ULK4: variants seen among roughly 807,000 people sequenced by gnomAD.
ULK4 encodes the protein inactive serine/threonine-protein kinase ULK4.
In ULK4, 133 loss-of-function variants were observed where a neutral mutation model predicts 160.6. That is an observed-to-expected ratio of 0.83 (90% confidence interval 0.72 to 0.96). The LOEUF (loss-of-function observed/expected upper bound fraction) is 0.96, where lower values mean the gene tolerates loss of function less well. Among genes scored for constraint, ULK4 ranks in the 40% least tolerant of loss-of-function variants. ULK4 has a pLI of 0.00. For missense variants in ULK4, 1,580 were observed against 1,499.5 expected (o/e 1.05, Z -0.89); for synonymous variants, 534 against 539.8 (o/e 0.99, Z 0.15).
At chr3:41,772,180 C>A (rs1456854948) in intron 21 of ULK4, among the ~76,000 whole-genome samples, 2 of 152,120 alleles carry the variant, frequency 1.3e-5, no homozygotes, top group Admixed American at 1.3e-4. Context: ...AGAGCAAACA[C>A]ATTCAAAAGC....
chr3:41,863,714 G>A (rs746586537), intron 17 of ULK4, among the ~76,000 whole-genome samples: 4 of 151,840 alleles, frequency 2.6e-5, no homozygotes, highest in Non-Finnish European at 4.4e-5. Flanking sequence ...TTTCCCTTCT[G>A]GCCCAGGGTG....
intron 30 of ULK4, among the ~76,000 whole-genome samples, chr3:41,650,874 G>A (rs1278670554): frequency 6.6e-6 from 1 of 152,128 alleles, no homozygotes; most frequent in Non-Finnish European, 1.5e-5. Context: ...AAATTTATCA[G>A]CCCCCTGCAC....
intron 31 of ULK4, among the ~76,000 whole-genome samples, chr3:41,598,422 T>C (rs2031834372): frequency 6.6e-6 from 1 of 152,158 alleles, no homozygotes; most frequent in African/African-American, 2.4e-5. Context: ...GAGAAACATA[T>C]GTAAGCAATC....
intron 20 of ULK4, among the ~76,000 whole-genome samples, chr3:41,795,203 C>T (rs896425514): frequency 2.0e-5 from 3 of 152,218 alleles, no homozygotes; most frequent in Non-Finnish European, 4.4e-5. Context: ...TGCATATACT[C>T]AGTTCCTATA....
intron 30 of ULK4, among the ~76,000 whole-genome samples, chr3:41,642,835 C>A (rs185343480): frequency 0.014 from 2,141 of 152,238 alleles, 50 homozygotes; most frequent in African/African-American, 0.048. Flanking sequence ...ATTTCTCCAC[C>A]TCCTCTCCAG....
At chr3:41,666,191 C>T (rs796596704) in intron 29 of ULK4, among the ~76,000 whole-genome samples, 1 of 152,194 alleles carries the variant, frequency 6.6e-6, no homozygotes, top group South Asian at 2.1e-4. Flanking sequence ...ACTTGTGGAA[C>T]TGACCTTAGT....
intron 18 of ULK4, among the ~76,000 whole-genome samples, chr3:41,831,097 G>A (rs958595927): frequency 2.6e-5 from 4 of 151,578 alleles, no homozygotes; most frequent in African/African-American, 9.7e-5. Flanking sequence ...GCATGATCAC[G>A]GCTCACTGCA....
At chr3:41,769,809 G>C (rs1257824621) in intron 21 of ULK4, among the ~76,000 whole-genome samples, 1 of 152,164 alleles carries the variant, frequency 6.6e-6, no homozygotes, top group Admixed American at 6.5e-5. Context: ...TAACGAGGTA[G>C]AGAACTTCAA....
chr3:41,507,612 CAAAAAAA>C (rs71075473), intron 32 of ULK4, among the ~76,000 whole-genome samples: 11 of 75,280 alleles, frequency 1.5e-4, no homozygotes, highest in South Asian at 4.9e-4. Context: ...AAACCACCAC[CAAAAAAA>C]AAAAAAAAAA....
chr3:41,856,586 TAC>T (rs1321382380), intron 17 of ULK4, among the ~76,000 whole-genome samples: 2 of 81,620 alleles, frequency 2.5e-5, no homozygotes, highest in Admixed American at 2.2e-4. Context: ...TGTATATATA[TAC>T]ACATATATAT....
intron 32 of ULK4, among the ~76,000 whole-genome samples, chr3:41,469,680 G>C (rs886352940): frequency 3.5e-5 from 5 of 142,798 alleles, no homozygotes; most frequent in African/African-American, 1.3e-4. Context: ...AAACACCAAT[G>C]CAAGAACACA....
At chr3:41,367,453 T>C (rs763959606) in intron 35 of ULK4, among the ~76,000 whole-genome samples, 1 of 151,986 alleles carries the variant, frequency 6.6e-6, no homozygotes, top group Non-Finnish European at 1.5e-5. Context: ...CAGTCCAGAG[T>C]TCAGTTACTC....
At chr3:41,479,900 A>G (rs998316378) in intron 32 of ULK4, among the ~76,000 whole-genome samples, 2 of 152,176 alleles carry the variant, frequency 1.3e-5, no homozygotes, top group African/African-American at 2.4e-5. Context: ...ACCAATGTGT[A>G]TATTTGTATA....
intron 32 of ULK4, among the ~76,000 whole-genome samples, chr3:41,534,951 C>T (rs2086446790): frequency 6.6e-6 from 1 of 152,048 alleles, no homozygotes; most frequent in Admixed American, 6.5e-5. Flanking sequence ...CCATATCAAA[C>T]TATATGTATG....
chr3:41,851,466 G>A (rs889766525), intron 17 of ULK4, among the ~76,000 whole-genome samples: 4 of 152,144 alleles, frequency 2.6e-5, no homozygotes, highest in South Asian at 2.1e-4. Flanking sequence ...ATATGCTGCT[G>A]GATTCGGTTT....
At chr3:41,429,790 A>C (rs907797437) in intron 34 of ULK4, among the ~76,000 whole-genome samples, 2 of 152,128 alleles carry the variant, frequency 1.3e-5, no homozygotes, top group African/African-American at 4.8e-5. Flanking sequence ...TAGCTAATGC[A>C]TGCTGGCTGG....
chr3:41,247,586 T>G (rs2078667625), intron 36 of ULK4, among the ~76,000 whole-genome samples: 1 of 144,538 alleles, frequency 6.9e-6, no homozygotes, highest in South Asian at 2.1e-4. Context: ...TGCACAGAAA[T>G]AGAGCTGGTA....
At chr3:41,323,818 C>A (rs1333018856) in intron 35 of ULK4, among the ~76,000 whole-genome samples, 1 of 151,958 alleles carries the variant, frequency 6.6e-6, no homozygotes, top group Non-Finnish European at 1.5e-5. Flanking sequence ...TTAAAAGCAC[C>A]AAGGCATAGA....
At chr3:41,918,844 G>A (rs529502321) in intron 6 of ULK4, among the ~76,000 whole-genome samples, 20 of 151,874 alleles carry the variant, frequency 1.3e-4, no homozygotes, top group African/African-American at 2.7e-4. Flanking sequence ...CTCGTGATCC[G>A]CCCGCCTCGA....
Sources: gnomAD v4.1 joint callset for allele counts (sites outside exome capture counted in the v4.1 genomes callset) on GRCh38, gnomAD v4.1.1 for gene constraint, MANE v1.5 for transcripts, NCBI Gene and HGNC (gene_info 2026-07-23, HGNC 2026-07-21) for gene names.